ADHFE1: variants seen among roughly 807,000 people sequenced by gnomAD.
ADHFE1 encodes alcohol dehydrogenase iron containing 1, also known as hydroxyacid-oxoacid transhydrogenase, mitochondrial.
A neutral mutation model predicts 54.8 loss-of-function variants in ADHFE1; 37 were observed. The ratio of observed to expected loss-of-function variants is 0.68; its 90% CI spans 0.52 to 0.89. ADHFE1 has a LOEUF of 0.89. ADHFE1 is among the 40% of genes least tolerant of loss of function. The probability of loss-of-function intolerance (pLI) is 0.00; values close to 1 mark genes in which losing one functional copy is unlikely to be tolerated. For missense variants in ADHFE1, 601 were observed against 591.2 expected, an observed-to-expected ratio of 1.02 and a Z score of -0.17; for synonymous variants, 203 against 229.3, an observed-to-expected ratio of 0.89 and a Z score of 1.04.
intron 13 of ADHFE1, among the ~76,000 whole-genome samples, chr8:66,464,908 C>G (rs892843493): frequency 1.3e-5 from 2 of 152,156 alleles, no homozygotes; most frequent in African/African-American, 4.8e-5. Flanking sequence ...CTCTGTCCTA[C>G]TTTCTGTCTC....
chr8:66,457,021 G>A (rs201024320), intron 11 of ADHFE1, 49 bp from the exon 12 acceptor site: 2 of 1,585,190 alleles, frequency 1.3e-6, no homozygotes, highest in Non-Finnish European at 1.7e-6. Context: ...AATATGCAGG[G>A]AAGAACAGCT....
At chr8:66,465,465 C>T (rs1159956542) in intron 13 of ADHFE1, among the ~76,000 whole-genome samples, 1 of 152,098 alleles carries the variant, frequency 6.6e-6, no homozygotes, top group Admixed American at 6.5e-5. Context: ...TCCCAAATGA[C>T]TAAGGATGGT....
rs748464573 is a variant in ADHFE1 at position 66,447,340 on chromosome 8, T to C, written c.627T>C (p.Ile209=). 45 of 1,610,094 alleles carry C rather than the reference T, an allele frequency of 2.8e-5. 2 individuals are homozygous for C. The Admixed American group carries it at 3.3e-4, about 12-fold the overall frequency. Residue 209 remains isoleucine (I), a splice_region_variant and synonymous_variant, in exon 7 of 14, where the codon ATT becomes ATC. Coordinates refer to ENST00000396623, the MANE Select transcript of ADHFE1 (RefSeq NM_144650.3). The part of the protein sequence containing the change: ...IFDYEHLKVK[I]GITSRAIKPT... ...ACTATGAACACTTGAAAGTAAAAAT[T>C]GGTAAGAACCATACTTTTGAATTAT...
intron 1 of ADHFE1, among the ~76,000 whole-genome samples, chr8:66,436,045 A>G (rs906730660): frequency 6.6e-6 from 1 of 150,634 alleles, no homozygotes; most frequent in African/African-American, 2.5e-5. Context: ...CCTGCTGAGT[A>G]GCTGGGATTA....
At chr8:66,452,903 A>G (rs1244481949) in intron 9 of ADHFE1, among the ~76,000 whole-genome samples, 1 of 152,266 alleles carries the variant, frequency 6.6e-6, no homozygotes, top group Non-Finnish European at 1.5e-5. Context: ...GTATTTATAC[A>G]TAATGGACAG....
chr8:66,443,094 A>G (rs1266155153), intron 3 of ADHFE1, among the ~76,000 whole-genome samples: 4 of 152,146 alleles, frequency 2.6e-5, no homozygotes, highest in Admixed American at 6.5e-5. Context: ...TCCCAATTCT[A>G]CAAATTCTCC....
intron 9 of ADHFE1, 143 bp downstream of exon 9, chr8:66,452,248 C>T (rs1427819403): frequency 8.4e-7 from 1 of 1,189,568 alleles, no homozygotes. Context: ...GCCCCAGACA[C>T]CAGCAGCCTC....
chr8:66,465,100 T>G (rs1284773345), intron 13 of ADHFE1, among the ~76,000 whole-genome samples: 1 of 152,272 alleles, frequency 6.6e-6, no homozygotes, highest in Non-Finnish European at 1.5e-5. Flanking sequence ...TACTACATTT[T>G]GGTTATGCAT....
At chr8:66,454,201 T>A in intron 10 of ADHFE1, 44 bp downstream of exon 10, 1 of 1,590,060 alleles carries the variant, frequency 6.3e-7, no homozygotes, top group Non-Finnish European at 8.6e-7. Context: ...AGCTATTGCT[T>A]TAAAAAATTT....
intron 8 of ADHFE1, among the ~76,000 whole-genome samples, chr8:66,450,267 G>A (rs1335117412): frequency 6.6e-6 from 1 of 152,210 alleles, no homozygotes; most frequent in African/African-American, 2.4e-5. Flanking sequence ...AAAGTACATA[G>A]TAAATACATC....
intron 3 of ADHFE1, among the ~76,000 whole-genome samples, chr8:66,443,260 A>G (rs1805851208): frequency 9.6e-6 from 1 of 104,690 alleles, no homozygotes; most frequent in Non-Finnish European, 2.1e-5. Flanking sequence ...CTCCTAGTCC[A>G]GGAATTTTTT....
intron 9 of ADHFE1, chr8:66,453,852 G>T: frequency 4.4e-5 from 64 of 1,462,290 alleles, no homozygotes; most frequent in East Asian, 1.2e-4. Context: ...TATTTATTAT[G>T]CCTTTGCTGA....
intron 10 of ADHFE1, among the ~76,000 whole-genome samples, chr8:66,456,179 A>G (rs1479679280): frequency 6.6e-6 from 1 of 152,162 alleles, no homozygotes; most frequent in African/African-American, 2.4e-5. Flanking sequence ...AAAAACCATA[A>G]TGCCTTTTCT....
chr8:66,440,713 A>G (rs1438999124), intron 2 of ADHFE1, among the ~76,000 whole-genome samples: 1 of 152,234 alleles, frequency 6.6e-6, no homozygotes, highest in Non-Finnish European at 1.5e-5. Flanking sequence ...CATCTTAGTC[A>G]TTACCAAACA....
Position 66,451,963 on chromosome 8 carries a change from G to A in ADHFE1, c.745G>A (p.Glu249Lys). 6.2e-7 allele frequency: 1 copy of A among 1,613,954 alleles called. No individual in the cohort carries two copies. The highest frequency in any genetic ancestry group is 8.5e-7 in the Non-Finnish European group (1 of 1,179,988). The change falls in exon 9 of 14, where the codon GAG (glutamate) becomes AAG (lysine). Residue 249 changes from glutamate (E) to lysine (K), a missense_variant. By Grantham distance (56) the Glu-to-Lys change is moderately conservative (BLOSUM62 1). Coordinates refer to ENST00000396623, the MANE Select transcript of ADHFE1 (RefSeq NM_144650.3). ...AATATTTCTTTTTAGCCATGCCCTGGAGTCATACACCACCCTGCCCTACCA... is the reference window on the plus strand; with the variant it reads ...AATATTTCTTTTTAGCCATGCCCTGAAGTCATACACCACCCTGCCCTACCA... Reference protein sequence around the residue: ...SGFDVLCHALESYTTLPYHLR... With the variant: ...SGFDVLCHALKSYTTLPYHLR...
intron 1 of ADHFE1, among the ~76,000 whole-genome samples, chr8:66,434,524 A>G (rs989828243): frequency 6.6e-6 from 1 of 152,384 alleles, no homozygotes; most frequent in East Asian, 1.9e-4. Context: ...TTATTCTAAT[A>G]GGGTAAACAT....
intron 2 of ADHFE1, among the ~76,000 whole-genome samples, chr8:66,441,613 A>G (rs1002751906): frequency 6.6e-6 from 1 of 152,220 alleles, no homozygotes; most frequent in African/African-American, 2.4e-5. Flanking sequence ...AAAATCTTTA[A>G]TTAGGTCCCT....
intron 13 of ADHFE1, among the ~76,000 whole-genome samples, chr8:66,464,712 A>G (rs778419509): frequency 2.3e-4 from 35 of 152,320 alleles, no homozygotes; most frequent in Non-Finnish European, 4.1e-4. Flanking sequence ...TAAAATATGT[A>G]TAACATAAAA....
chr8:66,432,522 C>A lies in ADHFE1; in HGVS notation c.6C>A (p.Ala2=), dbSNP rs371060032. M[A]AAARARVAYL... The stretch of plus-strand genomic sequence containing the variant: ...GGAAGAGGACTCCAAGCGCCATGGC[C>A]GCTGCCGCCCGAGCCCGGGTCGCGT... Residue 2 remains alanine (A), a synonymous_variant, in exon 1 of 14, where the codon GCC becomes GCA. Transcript: ENST00000396623. The A allele has an allele frequency of 1.1e-5, 15 of 1,368,590 alleles. No individual in the cohort carries two copies. The highest frequency in any genetic ancestry group is 1.4e-5 in the Non-Finnish European group (15 of 1,050,596). The allele number at this position is 1,368,590 out of a possible 1,614,324, so 84.8% of individuals were successfully genotyped here.
Sources: gnomAD v4.1 joint callset for allele counts (sites outside exome capture counted in the v4.1 genomes callset) on GRCh38, gnomAD v4.1.1 for gene constraint, MANE v1.5 for transcripts, NCBI Gene and HGNC (gene_info 2026-07-23, HGNC 2026-07-21) for gene names.